NAALADL2: variants seen among roughly 807,000 people sequenced by gnomAD.
NAALADL2 encodes the protein N-acetylated alpha-linked acidic dipeptidase like 2, also known as inactive N-acetylated-alpha-linked acidic dipeptidase-like protein 2.
In NAALADL2, 76 loss-of-function variants were observed where a neutral mutation model predicts 87.2. The ratio of observed to expected loss-of-function variants is 0.87; its 90% confidence interval spans 0.72 to 1.05. The LOEUF (loss-of-function observed/expected upper bound fraction) is 1.05, where lower values mean the gene tolerates loss of function less well. Among genes scored for constraint, NAALADL2 ranks in the 50% least tolerant of loss-of-function variants. The pLI is 0.00. For missense variants in NAALADL2, 1,089 were observed against 945.8 expected, an observed-to-expected ratio of 1.15 and a Z score of -1.99; for synonymous variants, 354 against 331.0, an observed-to-expected ratio of 1.07 and a Z score of -0.75.
intron 11 of NAALADL2, among the ~76,000 whole-genome samples, chr3:175,709,552 T>C (rs1740233722): frequency 6.6e-6 from 1 of 152,104 alleles, no homozygotes; most frequent in African/African-American, 2.4e-5. Flanking sequence ...AGGGGACATG[T>C]CCACCAGTTG....
chr3:174,671,202 T>A (rs922848824), intron 2 of NAALADL2, among the ~76,000 whole-genome samples: 4 of 152,200 alleles, frequency 2.6e-5, no homozygotes, highest in African/African-American at 7.2e-5. Flanking sequence ...AAGAATAGAC[T>A]AATACACTCA....
chr3:175,282,154 A>C (rs943028957), intron 4 of NAALADL2, among the ~76,000 whole-genome samples: 4 of 152,098 alleles, frequency 2.6e-5, no homozygotes, highest in African/African-American at 9.6e-5. Flanking sequence ...CAAATGAATA[A>C]ATAAATGAAA....
At chr3:174,910,936 G>A (rs1328635564) in intron 1 of NAALADL2, among the ~76,000 whole-genome samples, 3 of 152,024 alleles carry the variant, frequency 2.0e-5, no homozygotes, top group Non-Finnish European at 2.9e-5. Context: ...GACAAGCAGG[G>A]CGAAAGGGAA....
At chr3:175,354,703 C>T (rs1204766229) in intron 5 of NAALADL2, among the ~76,000 whole-genome samples, 2 of 151,586 alleles carry the variant, frequency 1.3e-5, no homozygotes, top group African/African-American at 2.4e-5. Flanking sequence ...AGTGCAGTGC[C>T]GATTCACAGA....
At chr3:175,413,382 T>A (rs1713972858) in intron 5 of NAALADL2, among the ~76,000 whole-genome samples, 1 of 150,264 alleles carries the variant, frequency 6.7e-6, no homozygotes, top group Non-Finnish European at 1.5e-5. Flanking sequence ...CCATCCTGGC[T>A]AACACGGTGA....
At chr3:175,500,328 G>C (rs2149366230) in intron 9 of NAALADL2, among the ~76,000 whole-genome samples, 1 of 152,180 alleles carries the variant, frequency 6.6e-6, no homozygotes, top group East Asian at 1.9e-4. Context: ...GTAAGGTATT[G>C]AAGTAGAGAT....
intron 13 of NAALADL2, among the ~76,000 whole-genome samples, chr3:175,755,775 C>T (rs528847586): frequency 8.6e-5 from 13 of 150,482 alleles, no homozygotes; most frequent in Middle Eastern, 3.4e-3. Flanking sequence ...TTTTTTCCTG[C>T]AAAGATCCCA....
At chr3:175,633,900 G>T (rs1728151969) in intron 11 of NAALADL2, among the ~76,000 whole-genome samples, 1 of 151,322 alleles carries the variant, frequency 6.6e-6, no homozygotes, top group South Asian at 2.1e-4. Flanking sequence ...AAATTATTTG[G>T]GTATTACAAC....
chr3:174,656,159 C>T (rs1483441040), intron 2 of NAALADL2, among the ~76,000 whole-genome samples: 1 of 152,152 alleles, frequency 6.6e-6, no homozygotes, highest in African/African-American at 2.4e-5. Flanking sequence ...ATATCGGCTA[C>T]TGGAGGAAGA....
chr3:174,523,033 A>C (rs974385789), intron 1 of NAALADL2, among the ~76,000 whole-genome samples: 2 of 152,120 alleles, frequency 1.3e-5, no homozygotes, highest in African/African-American at 4.8e-5. Flanking sequence ...ACAGCAAGAA[A>C]GCACTGCCTG....
chr3:175,382,647 T>C (rs1767924511), intron 5 of NAALADL2, among the ~76,000 whole-genome samples: 1 of 53,146 alleles, frequency 1.9e-5, no homozygotes, highest in African/African-American at 5.7e-5. Flanking sequence ...TCCAAATGTT[T>C]TTCAAAGTGG....
At chr3:175,288,219 G>C (rs1376916283) in intron 4 of NAALADL2, among the ~76,000 whole-genome samples, 1 of 152,098 alleles carries the variant, frequency 6.6e-6, no homozygotes, top group South Asian at 2.1e-4. Flanking sequence ...TGATGTCCCA[G>C]TTTAAAAGTA....
intron 2 of NAALADL2, among the ~76,000 whole-genome samples, chr3:175,211,069 A>T (rs1404097019): frequency 2.0e-5 from 3 of 151,880 alleles, no homozygotes; most frequent in African/African-American, 7.2e-5. Context: ...TATTCTAACC[A>T]GGATAGAAAT....
intron 1 of NAALADL2, among the ~76,000 whole-genome samples, chr3:174,472,062 A>T (rs1716939532): frequency 6.6e-6 from 1 of 152,128 alleles, no homozygotes; most frequent in Admixed American, 6.5e-5. Flanking sequence ...ACTCCTTGAG[A>T]AGCAAGATTT....
At chr3:175,414,309 A>C (rs1218925487) in intron 5 of NAALADL2, among the ~76,000 whole-genome samples, 2 of 152,166 alleles carry the variant, frequency 1.3e-5, no homozygotes, top group Non-Finnish European at 2.9e-5. Flanking sequence ...TGAATATTAG[A>C]TGCTCATGTA....
At chr3:174,621,814 CAA>C (rs1721033972) in intron 2 of NAALADL2, among the ~76,000 whole-genome samples, 1 of 152,034 alleles carries the variant, frequency 6.6e-6, no homozygotes, top group Non-Finnish European at 1.5e-5. Flanking sequence ...TGACTGTTGG[CAA>C]AAGAGTCACT....
intron 3 of NAALADL2, among the ~76,000 whole-genome samples, chr3:175,245,927 A>G (rs1747889635): frequency 6.6e-6 from 1 of 152,174 alleles, no homozygotes; most frequent in Admixed American, 6.5e-5. Context: ...CTTAACTGGA[A>G]CACTATTTTG....
rs562832924 is a variant in NAALADL2, at chr3:174,612,846, CT to C, written c.-115+62213del. ...CATGTTTTCCTGGATGATCATGATA[CT>C]TTTAAATGTTCATCTGTTTCTGGGC... On this transcript the variant is annotated intron_variant, in intron 2 of 3. Transcript: ENST00000434257. Among the ~76,000 whole-genome samples, 270 of 152,216 alleles carry C rather than the reference CT, an allele frequency of 1.8e-3. 1 individual carries two copies. The highest frequency in any genetic ancestry group is 6.2e-3 in the African/African-American group (256 of 41,544).
chr3:174,796,812 C>T (rs1718157347), intron 3 of NAALADL2, among the ~76,000 whole-genome samples: 1 of 151,634 alleles, frequency 6.6e-6, no homozygotes, highest in East Asian at 1.9e-4. Context: ...TGTCCTTTGT[C>T]CACTTTTTAA....
Sources: gnomAD v4.1 joint callset for allele counts (sites outside exome capture counted in the v4.1 genomes callset) on GRCh38, gnomAD v4.1.1 for gene constraint, MANE v1.5 for transcripts, NCBI Gene and HGNC (gene_info 2026-07-23, HGNC 2026-07-21) for gene names.